The following TLL1 variants were observed in gnomAD, a reference collection of about 807,000 sequenced individuals.
TLL1 encodes the protein tolloid-like protein 1.
Under a neutral mutation model 128.2 loss-of-function variants are expected in TLL1, and 49 were observed. The ratio of observed to expected loss-of-function variants is 0.38; its 90% CI spans 0.30 to 0.48. The LOEUF (loss-of-function observed/expected upper bound fraction) is 0.48. Ranked by LOEUF, TLL1 falls within the 20% of genes least tolerant of loss-of-function variation. TLL1 has a pLI of 0.96. For synonymous variants in TLL1, 454 were observed against 418.8 expected (o/e 1.08, Z -1.03); for missense variants, 1,123 against 1,242.0 (o/e 0.90, Z 1.44).
Position 166,065,880 on chromosome 4 carries a change from G to T in TLL1, c.2188+17G>T. 1 of 1,480,848 alleles carries T rather than the reference G, an allele frequency of 6.8e-7. No individual in the cohort carries two copies. Among genetic ancestry groups the T allele is most frequent in the Non-Finnish European group, 9.0e-7 (1 of 1,117,012 alleles). 91.7% of individuals were successfully genotyped at this position (1,480,848 alleles called of 1,614,324 possible). On this transcript the variant is annotated intron_variant, in intron 16 of 20. Coordinates refer to ENST00000061240, the MANE Select transcript of TLL1 (RefSeq NM_012464.5). ...TTTTCTCAGGTATAAGCATTCACAT[G>T]TTGTATGTGTATATTACAGATTTTC...
intron 1 of TLL1, among the ~76,000 whole-genome samples, chr4:165,882,744 G>A (rs1478803002): frequency 1.3e-5 from 2 of 151,922 alleles, no homozygotes; most frequent in South Asian, 2.1e-4. Flanking sequence ...TTAGCCTCCC[G>A]AGTAGCTGGG....
chr4:165,873,829 A>T lies in TLL1; in HGVS notation c.-76A>T. 2 of 1,562,052 alleles carry T rather than the reference A, an allele frequency of 1.3e-6. No individual in the cohort carries two copies. The highest frequency in any genetic ancestry group is 1.8e-6 in the Non-Finnish European group (2 of 1,136,790). On this transcript the variant is annotated 5_prime_UTR_variant, in exon 1 of 21. Coordinates refer to ENST00000061240, the MANE Select transcript of TLL1 (RefSeq NM_012464.5). ...TGGGGAGAAGAGCACCGGTGCCCCT[A>T]GCCCCGCACATCAGCGCGGACCGCG...
At chr4:165,981,428 T>C (rs1489134112) in intron 1 of TLL1, among the ~76,000 whole-genome samples, 3 of 152,084 alleles carry the variant, frequency 2.0e-5, no homozygotes, top group Non-Finnish European at 4.4e-5. Context: ...TTTACAGAGT[T>C]GATAAGCTTT....
chr4:165,989,365 A>G lies in TLL1; in HGVS notation c.170-16A>G, dbSNP rs1284891866. The G allele has an allele frequency of 1.3e-6, 2 of 1,565,756 alleles. No individual in the cohort carries two copies. The highest frequency in any genetic ancestry group is 3.4e-5 in the Admixed American group (2 of 59,676). ...CGGAAATATTTTACATTTTAATTCA[A>G]CTTTTCTTTTTTTAGCTGTATTTTG... On this transcript the variant is annotated splice_polypyrimidine_tract_variant and intron_variant, in intron 1 of 20. Transcript: ENST00000061240.
intron 12 of TLL1, chr4:166,044,316 C>G: frequency 6.7e-7 from 1 of 1,499,118 alleles, no homozygotes; most frequent in Middle Eastern, 1.7e-4. Context: ...ATGAACACTA[C>G]TTACTGAGGG....
intron 1 of TLL1, among the ~76,000 whole-genome samples, chr4:165,982,301 A>G (rs1338563601): frequency 6.6e-6 from 1 of 151,960 alleles, no homozygotes; most frequent in African/African-American, 2.4e-5. Flanking sequence ...CATTACAAAT[A>G]ATATTGAGAG....
At chr4:166,016,282 A>G (rs1275504044) in intron 8 of TLL1, among the ~76,000 whole-genome samples, 2 of 152,088 alleles carry the variant, frequency 1.3e-5, no homozygotes, top group African/African-American at 4.8e-5. Context: ...AATGTCTAGT[A>G]ACATTGGGCA....
intron 1 of TLL1, among the ~76,000 whole-genome samples, chr4:165,983,673 C>T (rs973403702): frequency 2.0e-5 from 3 of 151,762 alleles, no homozygotes; most frequent in African/African-American, 7.2e-5. Flanking sequence ...CTGTGTTTAA[C>T]TTGAGGAGAA....
At chr4:166,037,632 ACTCTGT>A (rs1739061745) in intron 9 of TLL1, among the ~76,000 whole-genome samples, 1 of 151,980 alleles carries the variant, frequency 6.6e-6, no homozygotes, top group East Asian at 1.9e-4. Context: ...ACATGGTGAA[ACTCTGT>A]CTCTACTAAA....
intron 1 of TLL1, among the ~76,000 whole-genome samples, chr4:165,895,883 T>A (rs1294359814): frequency 6.6e-6 from 1 of 152,126 alleles, no homozygotes; most frequent in Non-Finnish European, 1.5e-5. Flanking sequence ...CTTCCATTTC[T>A]GTTGCTTTCT....
chr4:166,006,020 A>G (rs111861900), intron 6 of TLL1, among the ~76,000 whole-genome samples: 2,034 of 151,920 alleles, frequency 0.013, 40 homozygotes, highest in African/African-American at 0.047. Flanking sequence ...CAATTCTGGT[A>G]TAAAAGTGCT....
intron 12 of TLL1, chr4:166,044,460 CT>C: frequency 6.6e-7 from 1 of 1,521,210 alleles, no homozygotes; most frequent in Non-Finnish European, 8.8e-7. Flanking sequence ...CAGTACTTGT[CT>C]CTGTCCCCTT....
chr4:166,055,142 C>A lies in TLL1; in HGVS notation c.1591C>A (p.Pro531Thr). ...TAGAGATGGAACCAGTGAAAATAGC[C>A]CTTTGATAGGGCGTTTCTGTGGTTA... ...EVRDGTSENS[P>T]LIGRFCGYDK... The change falls in exon 13 of 21, where the codon CCT becomes ACT. Residue 531 changes from proline (P) to threonine (T), a missense_variant. Around this residue, in one of 3 missense-constraint regions of TLL1, gnomAD observed 634 missense variants for 672.4 expected, o/e 0.94. Transcript: ENST00000061240. 1 of 1,613,236 alleles carries A rather than the reference C, an allele frequency of 6.2e-7. No individual in the cohort carries two copies. Among genetic ancestry groups the A allele is most frequent in the South Asian group, 1.1e-5 (1 of 91,008 alleles).
chr4:166,036,812 TG>T (rs1739025236), intron 9 of TLL1, among the ~76,000 whole-genome samples: 1 of 151,898 alleles, frequency 6.6e-6, no homozygotes, highest in Non-Finnish European at 1.5e-5. Context: ...TGTGTGTGTG[TG>T]TGTGTGTGTG....
At chr4:165,910,893 CTTTG>C (rs767735391) in intron 1 of TLL1, among the ~76,000 whole-genome samples, 26 of 152,064 alleles carry the variant, frequency 1.7e-4, no homozygotes, top group Non-Finnish European at 2.6e-4. Flanking sequence ...TGCCTAAAAT[CTTTG>C]TTTGTTGATA....
chr4:166,016,855 C>T (rs532507518), intron 8 of TLL1, among the ~76,000 whole-genome samples: 16 of 151,780 alleles, frequency 1.1e-4, no homozygotes, highest in African/African-American at 3.9e-4. Flanking sequence ...ATCTATTTCT[C>T]TCTGTATATA....
intron 1 of TLL1, among the ~76,000 whole-genome samples, chr4:165,924,262 C>T (rs1263605105): frequency 3.3e-5 from 5 of 152,098 alleles, no homozygotes; most frequent in Non-Finnish European, 4.4e-5. Context: ...AGGCCAAGAG[C>T]GAGGCTTCTT....
Position 165,937,800 on chromosome 4 carries a change from A to G in TLL1, c.170-51581A>G, listed in dbSNP as rs146077818. ...ACTTGGTATAAAATCTTTGACTCAC[A>G]TTTTTATTTTTCTGGGCATCTTAAT... On this transcript the variant is annotated intron_variant, in intron 1 of 20. Transcript: ENST00000061240. 1.2e-3 allele frequency among the ~76,000 whole-genome samples: 179 copies of G among 150,854 alleles called. 1 individual carries two copies. The highest frequency in any genetic ancestry group is 3.9e-3 in the African/African-American group (161 of 41,160).
chr4:166,057,426 A>G (rs1462536937), intron 14 of TLL1, 117 bp downstream of exon 14: 10 of 1,419,226 alleles, frequency 7.0e-6, no homozygotes, highest in Non-Finnish European at 9.6e-6. Flanking sequence ...CTCTTTCCTC[A>G]ATTAGTAAGA....
Sources: allele counts gnomAD v4.1 joint callset (sites outside exome capture counted in the v4.1 genomes callset), GRCh38; gene constraint gnomAD v4.1.1; regional missense constraint gnomAD v4.1.1; transcripts MANE v1.5; gene names NCBI Gene and HGNC (gene_info 2026-07-23, HGNC 2026-07-21).